CUL3: variants seen among roughly 807,000 people sequenced by gnomAD.
The protein encoded by CUL3 is cullin-3.
A neutral mutation model predicts 89.1 loss-of-function variants in CUL3; 19 were observed. The observed-to-expected ratio is 0.21, with a 90% confidence interval of 0.15 to 0.31. CUL3 has a LOEUF of 0.31. CUL3 is among the 10% of genes least tolerant of loss of function. The pLI, the probability that CUL3 is intolerant of heterozygous loss-of-function variation, is 1.00. For synonymous variants in CUL3, 351 were observed against 308.4 expected, an observed-to-expected ratio of 1.14 and a Z score of -1.45; for missense variants, 469 against 942.3, an observed-to-expected ratio of 0.50 and a Z score of 6.58.
chr2:224,549,691 A>G (rs1447210786), intron 2 of CUL3, among the ~76,000 whole-genome samples: 1 of 152,222 alleles, frequency 6.6e-6, no homozygotes, highest in Non-Finnish European at 1.5e-5. Context: ...GTTACTCTAC[A>G]ACAAGCTTAA....
At chr2:224,568,068 T>C (rs977646281) in intron 1 of CUL3, among the ~76,000 whole-genome samples, 2 of 152,192 alleles carry the variant, frequency 1.3e-5, no homozygotes, top group African/African-American at 4.8e-5. Flanking sequence ...CCCCCTGCTT[T>C]TGGTCCTCCT....
intron 1 of CUL3, among the ~76,000 whole-genome samples, chr2:224,562,190 CAT>C (rs936527671): frequency 7.9e-5 from 12 of 151,676 alleles, no homozygotes; most frequent in Non-Finnish European, 2.9e-5. Flanking sequence ...ACCATTTTCA[CAT>C]ATATACATCA....
intron 2 of CUL3, among the ~76,000 whole-genome samples, chr2:224,546,806 A>C (rs1694321960): frequency 6.6e-6 from 1 of 152,038 alleles, no homozygotes; most frequent in African/African-American, 2.4e-5. Context: ...CATCCCTTTC[A>C]ATGTAGAAAC....
chr2:224,557,344 C>A (rs1694744162), intron 2 of CUL3, among the ~76,000 whole-genome samples: 1 of 146,842 alleles, frequency 6.8e-6, no homozygotes, highest in Non-Finnish European at 1.5e-5. Context: ...TAAAAATGGG[C>A]TGATTAAATC....
Position 224,471,855 on chromosome 2 carries a change from T to TCCA in CUL3, c.*2387_*2389dup, listed in dbSNP as rs1255132997. The TCCA allele has an allele frequency of 8.7e-6, 2 of 230,352 alleles. No homozygotes were observed. Among genetic ancestry groups the TCCA allele is most frequent in the East Asian group, 1.2e-4 (2 of 16,118 alleles). 14.3% of individuals were successfully genotyped at this position (230,352 alleles called of 1,614,324 possible). The stretch of plus-strand genomic sequence containing the variant: ...ATTTTTGCAGTTGAAAAACTATGTA[T>TCCA]CCACCCTCCTTAAAAGTCTTCTAAT... On this transcript the variant is annotated 3_prime_UTR_variant, in exon 16 of 16. Transcript: ENST00000264414.
At chr2:224,562,375 C>A (rs185970642) in intron 1 of CUL3, among the ~76,000 whole-genome samples, 2 of 151,972 alleles carry the variant, frequency 1.3e-5, no homozygotes, top group Non-Finnish European at 2.9e-5. Flanking sequence ...CAGTGGCTCC[C>A]GCCTGTAATC....
At chr2:224,578,055 T>C (rs905167485) in intron 1 of CUL3, among the ~76,000 whole-genome samples, 3 of 152,174 alleles carry the variant, frequency 2.0e-5, no homozygotes, top group Non-Finnish European at 2.9e-5. Flanking sequence ...ATATGCAGAG[T>C]ACATGATAAG....
chr2:224,471,305 A>C lies in CUL3; in HGVS notation c.*2940T>G, dbSNP rs1691121448. 2 of 205,028 alleles carry C rather than the reference A, an allele frequency of 9.8e-6. No homozygotes were observed. Among genetic ancestry groups the C allele is most frequent in the East Asian group, 1.5e-4 (2 of 13,262 alleles). The allele number at this position is 205,028 out of a possible 1,614,324, so 12.7% of individuals were successfully genotyped here. A position where few individuals can be genotyped will look rare whatever the true frequency, so the allele number is the denominator to read the frequency against. The stretch of plus-strand genomic sequence containing the variant: ...CTTAAGTTACAGTAGACAGGCAAAG[A>C]TAAAAATCTTTAACACTAGTTACTG... On this transcript the variant is annotated 3_prime_UTR_variant, in exon 16 of 16. Transcript: ENST00000264414.
chr2:224,556,206 C>T (rs1292606435), intron 2 of CUL3: 2 of 152,048 alleles, frequency 1.3e-5, no homozygotes. Context: ...AAAACCATCA[C>T]ATGAAAGTTT....
rs1691114432 is a variant in CUL3, at chr2:224,471,048, C to T, written c.*3197G>A. 4.4e-6 allele frequency: 1 copy of T among 225,936 alleles called. No homozygotes were observed. Among genetic ancestry groups the T allele is most frequent in the African/African-American group, 2.2e-5 (1 of 45,092 alleles). 14.0% of individuals were successfully genotyped at this position (225,936 alleles called of 1,614,324 possible). ...ATACATAAAATATTCAGAATAGTAT[C>T]TGGCATATGATAAGCACTTAAATGT... On this transcript the variant is annotated 3_prime_UTR_variant, in exon 16 of 16. Coordinates refer to ENST00000264414, the MANE Select transcript of CUL3 (RefSeq NM_003590.5).
chr2:224,544,991 A>C (rs1029313020), intron 2 of CUL3, among the ~76,000 whole-genome samples: 2 of 152,114 alleles, frequency 1.3e-5, no homozygotes, highest in African/African-American at 4.8e-5. Flanking sequence ...TTTCTGAATG[A>C]CTGGAAGGAA....
chr2:224,507,021 C>G lies in CUL3; in HGVS notation c.884-18G>C, dbSNP rs764704764. 6.2e-7 allele frequency: 1 copy of G among 1,603,354 alleles called. No individual in the cohort carries two copies. The highest frequency in any genetic ancestry group is 8.5e-7 in the Non-Finnish European group (1 of 1,175,944). On this transcript the variant is annotated intron_variant, in intron 6 of 15. Coordinates refer to ENST00000264414, the MANE Select transcript of CUL3 (RefSeq NM_003590.5). Reference sequence around the variant, plus strand: ...ACCAAGGTCTACAAATCAGAAAACACAAATTGGCTACATTAAAGATTAAAG... The same window carrying G: ...ACCAAGGTCTACAAATCAGAAAACAGAAATTGGCTACATTAAAGATTAAAG...
intron 2 of CUL3, among the ~76,000 whole-genome samples, chr2:224,543,370 G>A (rs896737381): frequency 2.6e-5 from 4 of 152,076 alleles, no homozygotes; most frequent in African/African-American, 9.7e-5. Flanking sequence ...ATAATAACAT[G>A]GAGCACATCC....
At chr2:224,536,160 TTA>T (rs145827396) in intron 2 of CUL3, among the ~76,000 whole-genome samples, 2,725 of 152,340 alleles carry the variant, frequency 0.018, 45 homozygotes, top group South Asian at 0.047. Context: ...TAGGATTGTT[TTA>T]AGAACTGAAT....
rs1692227491 is a variant in CUL3 at position 224,497,948 on chromosome 2, G to T, written c.1611-99C>A. The T allele has an allele frequency of 5.6e-6, 5 of 896,294 alleles. No homozygotes were observed. In the Admixed American group the frequency reaches 8.1e-5, roughly 15 times the overall value. 55.5% of individuals were successfully genotyped at this position (896,294 alleles called of 1,614,324 possible). On this transcript the variant is annotated intron_variant, in intron 11 of 15. Coordinates refer to ENST00000264414, the MANE Select transcript of CUL3 (RefSeq NM_003590.5). ...ATCCCTTAAACATTTGTGTGTGTGT[G>T]TGTGTGTGTATGGACTTTAAAACTT...
intron 2 of CUL3, among the ~76,000 whole-genome samples, chr2:224,555,981 CATT>C (rs760139104): frequency 1.3e-5 from 2 of 152,170 alleles, no homozygotes; most frequent in Non-Finnish European, 2.9e-5. Flanking sequence ...GCATCCACTA[CATT>C]ATGACTGAAA....
intron 9 of CUL3, 136 bp from the exon 10 acceptor site, chr2:224,503,208 G>T (rs1692457064): frequency 4.5e-6 from 3 of 664,336 alleles, no homozygotes; most frequent in African/African-American, 3.6e-5. Flanking sequence ...GTTGCTCTGT[G>T]CCTGTGGTTA....
intron 1 of CUL3, among the ~76,000 whole-genome samples, chr2:224,564,633 T>C (rs996342770): frequency 2.6e-5 from 4 of 152,190 alleles, no homozygotes; most frequent in African/African-American, 9.6e-5. Flanking sequence ...AAGTATCCAC[T>C]GGGGGTCTTG....
chr2:224,495,961 A>G lies in CUL3; in HGVS notation c.1713T>C (p.Asp571=), dbSNP rs1245830554. The change falls in exon 13 of 16, where the codon GAT becomes GAC. Residue 571 remains aspartate (D), a synonymous_variant. Coordinates refer to ENST00000264414, the MANE Select transcript of CUL3 (RefSeq NM_003590.5). ...ATFYGPVKKE[D]GSEVGVGGAQ... The stretch of plus-strand genomic sequence containing the variant: ...CACCTCCAACACCAACTTCAGATCC[A>G]TCTTCCTGTTTCATTTTTAAAAAAA... 6.2e-7 allele frequency: 1 copy of G among 1,607,776 alleles called. No homozygotes were observed. Among genetic ancestry groups the G allele is most frequent in the Non-Finnish European group, 8.5e-7 (1 of 1,178,544 alleles).
Sources: allele counts gnomAD v4.1 joint callset (sites outside exome capture counted in the v4.1 genomes callset), GRCh38; gene constraint gnomAD v4.1.1; transcripts MANE v1.5; gene names NCBI Gene and HGNC (gene_info 2026-07-23, HGNC 2026-07-21).